The following GIPC2 variants were observed in gnomAD, a reference collection of about 807,000 sequenced individuals.
GIPC2 encodes the protein GIPC PDZ domain containing family member 2.
A neutral mutation model predicts 30.6 loss-of-function variants in GIPC2; 30 were observed. That is an observed-to-expected ratio of 0.98 (90% CI 0.73 to 1.33). GIPC2 has a LOEUF of 1.33. Ranked by LOEUF, GIPC2 falls within the 40% of genes most tolerant of loss-of-function variation. The pLI is 0.00. For missense variants in GIPC2, 414 were observed against 390.3 expected, an observed-to-expected ratio of 1.06 and a Z score of -0.51; for synonymous variants, 167 against 150.0, an observed-to-expected ratio of 1.11 and a Z score of -0.83.
At chr1:78,126,484 ACT>A in intron 5 of GIPC2, among the ~76,000 whole-genome samples, 1 of 151,834 alleles carries the variant, frequency 6.6e-6, no homozygotes, top group South Asian at 2.1e-4. Flanking sequence ...ATCAGTTAAG[ACT>A]CTACCAGTTG....
chr1:78,077,115 G>A (rs913305072), intron 1 of GIPC2, among the ~76,000 whole-genome samples: 2 of 152,076 alleles, frequency 1.3e-5, no homozygotes, highest in Admixed American at 1.3e-4. Context: ...ACTGCCCAAT[G>A]TTGTAACCAC....
chr1:78,056,694 C>T (rs1057037177), intron 1 of GIPC2, among the ~76,000 whole-genome samples: 3 of 152,040 alleles, frequency 2.0e-5, no homozygotes, highest in Non-Finnish European at 4.4e-5. Flanking sequence ...CCTTTGTAAC[C>T]ACACCTGTGT....
At chr1:78,058,600 A>G (rs1001805937) in intron 1 of GIPC2, among the ~76,000 whole-genome samples, 2 of 152,200 alleles carry the variant, frequency 1.3e-5, no homozygotes, top group South Asian at 2.1e-4. Context: ...TCCAAGCAAC[A>G]TGAATCCCTT....
chr1:78,113,259 A>AT (rs1391105012), intron 3 of GIPC2, among the ~76,000 whole-genome samples: 2 of 151,758 alleles, frequency 1.3e-5, no homozygotes, highest in African/African-American at 2.4e-5. Flanking sequence ...GTTTAAAAAT[A>AT]TTTTTTCTTT....
At chr1:78,131,494 A>G (rs1407828243) in intron 5 of GIPC2, among the ~76,000 whole-genome samples, 1 of 152,158 alleles carries the variant, frequency 6.6e-6, no homozygotes, top group Non-Finnish European at 1.5e-5. Flanking sequence ...TTCTAATGGA[A>G]TATTTTTTGC....
intron 2 of GIPC2, among the ~76,000 whole-genome samples, chr1:78,083,908 C>T (rs978919751): frequency 3.3e-5 from 5 of 152,178 alleles, no homozygotes; most frequent in Admixed American, 2.6e-4. Flanking sequence ...ATCTCCTTTT[C>T]CCCTGACCTA....
chr1:78,046,390 C>T, intron 1 of GIPC2, 56 bp downstream of exon 1: 1 of 1,484,600 alleles, frequency 6.7e-7, no homozygotes, highest in Non-Finnish European at 9.2e-7. Flanking sequence ...CGCCGCGCCG[C>T]GCGTATTTCT....
intron 5 of GIPC2, among the ~76,000 whole-genome samples, chr1:78,131,071 A>C (rs1199855466): frequency 2.6e-5 from 4 of 152,150 alleles, no homozygotes; most frequent in African/African-American, 9.7e-5. Context: ...TCCTGGACTC[A>C]AGCAGTCTCC....
chr1:78,058,341 T>A (rs1661333339), intron 1 of GIPC2, among the ~76,000 whole-genome samples: 2 of 152,238 alleles, frequency 1.3e-5, no homozygotes. Context: ...GTAGTTATAA[T>A]TGTAGAGTTG....
At chr1:78,046,987 T>G (rs552349170) in intron 1 of GIPC2, among the ~76,000 whole-genome samples, 39 of 152,340 alleles carry the variant, frequency 2.6e-4, no homozygotes, top group Admixed American at 7.2e-4. Flanking sequence ...AACCTAGAGA[T>G]TCATACTTAA....
At chr1:78,127,102 G>T (rs143071293) in intron 5 of GIPC2, among the ~76,000 whole-genome samples, 28 of 152,336 alleles carry the variant, frequency 1.8e-4, no homozygotes, top group African/African-American at 5.5e-4. Context: ...GTATGCATTT[G>T]AATCAGGTAC....
chr1:78,114,797 T>C (rs544099901), intron 3 of GIPC2, among the ~76,000 whole-genome samples: 1 of 152,260 alleles, frequency 6.6e-6, no homozygotes, highest in South Asian at 2.1e-4. Context: ...ACTATGGACA[T>C]TGGGTGATTA....
chr1:78,112,493 T>C (rs6666954), intron 3 of GIPC2: 166,333 of 518,748 alleles, frequency 0.32, 30,549 homozygotes, highest in East Asian at 0.61. Flanking sequence ...ATGTTGAAAT[T>C]ATGGTCTCTG....
At chr1:78,124,250 G>A (rs1662741060) in intron 4 of GIPC2, among the ~76,000 whole-genome samples, 1 of 152,082 alleles carries the variant, frequency 6.6e-6, no homozygotes, top group African/African-American at 2.4e-5. Context: ...GAAATGTTTA[G>A]TAATCATTTC....
intron 4 of GIPC2, among the ~76,000 whole-genome samples, chr1:78,121,565 TG>T (rs1187834661): frequency 6.6e-6 from 1 of 151,962 alleles, no homozygotes; most frequent in African/African-American, 2.4e-5. Flanking sequence ...GCACCCACGG[TG>T]TTGTCAGTTT....
chr1:78,106,750 G>A (rs1316820288), intron 3 of GIPC2, among the ~76,000 whole-genome samples: 6 of 151,938 alleles, frequency 3.9e-5, no homozygotes, highest in Non-Finnish European at 7.4e-5. Flanking sequence ...GTGCTATCTC[G>A]GCTCTCTGCA....
At chr1:78,081,019 G>A (rs628451) in intron 2 of GIPC2, among the ~76,000 whole-genome samples, 159 bp downstream of exon 2, 137,784 of 152,226 alleles carry the variant, frequency 0.91, 62,495 homozygotes, top group Middle Eastern at 0.93. Flanking sequence ...ATGTTCAGAT[G>A]TCAGTTTGTG....
intron 3 of GIPC2, among the ~76,000 whole-genome samples, chr1:78,117,475 G>A (rs7367884): frequency 0.52 from 79,755 of 152,100 alleles, 22,565 homozygotes; most frequent in South Asian, 0.64. Context: ...AGATCATCAG[G>A]CATTAGTTAG....
intron 1 of GIPC2, among the ~76,000 whole-genome samples, chr1:78,047,758 T>TG (rs1456785492): frequency 6.6e-6 from 1 of 152,220 alleles, no homozygotes; most frequent in Non-Finnish European, 1.5e-5. Flanking sequence ...ACGTATCAGA[T>TG]TGCATAGTTT....
Sources: allele counts gnomAD v4.1 joint callset (sites outside exome capture counted in the v4.1 genomes callset), GRCh38; gene constraint gnomAD v4.1.1; transcripts MANE v1.5; gene names NCBI Gene and HGNC (gene_info 2026-07-23, HGNC 2026-07-21).